The following NCR1 variants were observed in gnomAD, a reference collection of about 807,000 sequenced individuals.
NCR1 encodes NK cell-activating receptor.
A neutral mutation model predicts 32.5 loss-of-function variants in NCR1; 30 were observed. The observed-to-expected ratio is 0.92, with a 90% CI of 0.69 to 1.25. NCR1 has a LOEUF of 1.25. Ranked by LOEUF, NCR1 falls within the 50% of genes most tolerant of loss-of-function variation. The probability of loss-of-function intolerance (pLI) is 0.00; values close to 1 mark genes in which losing one functional copy is unlikely to be tolerated. For missense variants in NCR1, 369 were observed against 380.7 expected, an observed-to-expected ratio of 0.97 and a Z score of 0.26; for synonymous variants, 169 against 143.4, an observed-to-expected ratio of 1.18 and a Z score of -1.28.
the NCR1 span, chr19:54,923,944 T>C: frequency 1.3e-6 from 2 of 1,511,552 alleles, no homozygotes; most frequent in Non-Finnish European, 1.8e-6. Context: ...GAATATCTGT[T>C]TTCAAACACT....
At chr19:54,916,537 T>G (rs1242983517), downstream of NCR1, among the ~76,000 whole-genome samples, 1 of 151,364 alleles carries the variant, frequency 6.6e-6, no homozygotes, top group Non-Finnish European at 1.5e-5. Flanking sequence ...CTCAAACTCC[T>G]GGTCTCAGGT....
downstream of NCR1, among the ~76,000 whole-genome samples, chr19:54,918,583 T>A (rs1345424937): frequency 6.6e-6 from 1 of 151,810 alleles, no homozygotes; most frequent in Non-Finnish European, 1.5e-5. Context: ...TAATGTGTAG[T>A]TTTTTATCTG....
At chr19:54,936,592 C>A in the NCR1 span, among the ~76,000 whole-genome samples, 1 of 151,856 alleles carries the variant, frequency 6.6e-6, no homozygotes. Flanking sequence ...GAGGCTGAGG[C>A]AGGAGGATAA....
At chr19:54,927,231 A>C in the NCR1 span, among the ~76,000 whole-genome samples, 1 of 151,830 alleles carries the variant, frequency 6.6e-6, no homozygotes, top group Admixed American at 6.6e-5. Context: ...CTACTAAAAA[A>C]TTAGCCAGGC....
rs749784686 is a variant in NCR1, at chr19:54,909,274, C to T, written c.385C>T (p.His129Tyr). 3.7e-6 allele frequency: 6 copies of T among 1,613,758 alleles called. No homozygotes were observed. In the South Asian group the frequency reaches 6.6e-5, roughly 18 times the overall value. ...EMYDTPTLSV[H>Y]PGPEVISGEK... Reference sequence around the variant, plus strand: ...GTATGACACACCCACCCTCTCGGTTCATCCTGGACCCGAAGTGATCTCGGG... The same window carrying T: ...GTATGACACACCCACCCTCTCGGTTTATCCTGGACCCGAAGTGATCTCGGG... The change falls in exon 4 of 7, where the codon CAT becomes TAT. Residue 129 changes from histidine (H) to tyrosine (Y), a missense_variant. Coordinates refer to ENST00000291890, the MANE Select transcript of NCR1 (RefSeq NM_004829.7).
chr19:54,921,157 G>A, the NCR1 span, among the ~76,000 whole-genome samples: 1 of 152,040 alleles, frequency 6.6e-6, no homozygotes, highest in Admixed American at 6.6e-5. Flanking sequence ...ATTCTACACG[G>A]GAACTTCATG....
At chr19:54,903,572 A>ATATACACATATACATGTATGTG (rs1569535700), upstream of NCR1, among the ~76,000 whole-genome samples, 4 of 133,586 alleles carry the variant, frequency 3.0e-5, 1 homozygote, top group Admixed American at 2.5e-4. Flanking sequence ...ATATATGTGT[A>ATATACACATATACATGTATGTG]TATATACGCA....
At chr19:54,903,574 AT>A (rs1325435060), upstream of NCR1, among the ~76,000 whole-genome samples, 4 of 148,118 alleles carry the variant, frequency 2.7e-5, no homozygotes, top group Admixed American at 6.9e-5. Flanking sequence ...ATATGTGTAT[AT>A]ATACGCATAT....
At chr19:54,935,355 G>A in the NCR1 span, among the ~76,000 whole-genome samples, 2 of 152,130 alleles carry the variant, frequency 1.3e-5, no homozygotes, top group Admixed American at 6.6e-5. Flanking sequence ...AGCATCCACT[G>A]TAGCTGGGAC....
the NCR1 span, chr19:54,936,217 A>G: frequency 3.2e-6 from 5 of 1,552,446 alleles, no homozygotes; most frequent in Non-Finnish European, 4.4e-6. Flanking sequence ...AACACGGTGC[A>G]GTGGACTCCA....
the NCR1 span, among the ~76,000 whole-genome samples, chr19:54,929,957 C>CA: frequency 4.5e-4 from 67 of 150,314 alleles, no homozygotes; most frequent in South Asian, 0.014. Flanking sequence ...ACTAAAAATA[C>CA]AAAAAAAATT....
chr19:54,931,689 A>AT, the NCR1 span, among the ~76,000 whole-genome samples: 3,597 of 150,920 alleles, frequency 0.024, 134 homozygotes, highest in African/African-American at 0.081. Context: ...CCATCTCAAA[A>AT]AAAAAAAAAA....
the NCR1 span, among the ~76,000 whole-genome samples, chr19:54,926,071 AT>A: frequency 6.6e-6 from 1 of 151,914 alleles, no homozygotes; most frequent in Non-Finnish European, 1.5e-5. Flanking sequence ...TCAAAAAAAA[AT>A]AAAAAATACA....
At chr19:54,900,460 C>T in the NCR1 span, among the ~76,000 whole-genome samples, 1 of 152,130 alleles carries the variant, frequency 6.6e-6, no homozygotes. Context: ...ATAATGTCAT[C>T]ACTTAAGGCA....
chr19:54,909,296 C>T lies in NCR1; in HGVS notation c.407C>T (p.Ser136Leu), dbSNP rs769207424. The change falls in exon 4 of 7, where the codon TCG (serine) becomes TTG (leucine). Residue 136 changes from serine (S) to leucine (L), a missense_variant. Coordinates refer to ENST00000291890, the MANE Select transcript of NCR1 (RefSeq NM_004829.7). Reference sequence around the variant, plus strand: ...GTTCATCCTGGACCCGAAGTGATCTCGGGAGAGAAGGTGACCTTCTACTGC... The same window carrying T: ...GTTCATCCTGGACCCGAAGTGATCTTGGGAGAGAAGGTGACCTTCTACTGC... ...LSVHPGPEVI[S>L]GEKVTFYCRL... 159 of 1,614,000 alleles carry T rather than the reference C, an allele frequency of 9.9e-5. 1 individual carries two copies. Among genetic ancestry groups the T allele is most frequent in the Non-Finnish European group, 1.3e-4 (153 of 1,180,036 alleles).
At chr19:54,927,919 C>A in the NCR1 span, 1 of 746,494 alleles carries the variant, frequency 1.3e-6, no homozygotes, top group Non-Finnish European at 2.4e-6. Context: ...CGGTCAAACC[C>A]CATCTCTACT....
chr19:54,933,538 G>GCACA, the NCR1 span: 5 of 1,587,218 alleles, frequency 3.2e-6, no homozygotes, highest in East Asian at 6.8e-5. Flanking sequence ...GAATTCATGT[G>GCACA]CACACACACA....
downstream of NCR1, among the ~76,000 whole-genome samples, chr19:54,918,030 C>G (rs1024289077): frequency 6.6e-6 from 1 of 152,102 alleles, no homozygotes; most frequent in Non-Finnish European, 1.5e-5. Context: ...GATCTCTGCT[C>G]ACTGCAAGCT....
chr19:54,906,014 T>C, upstream of NCR1: 1 of 751,356 alleles, frequency 1.3e-6, no homozygotes, highest in Non-Finnish European at 2.2e-6. Context: ...GGCCTTTCTG[T>C]AAGCTCATGG....
Sources: gnomAD v4.1 joint callset for allele counts (sites outside exome capture counted in the v4.1 genomes callset) on GRCh38, gnomAD v4.1.1 for gene constraint, MANE v1.5 for transcripts, NCBI Gene and HGNC (gene_info 2026-07-23, HGNC 2026-07-21) for gene names.